ADCY10: variants seen among roughly 807,000 people sequenced by gnomAD.
The protein encoded by ADCY10 is adenylate cyclase type 10.
A neutral mutation model predicts 183.3 loss-of-function variants in ADCY10; 156 were observed. That is an observed-to-expected ratio of 0.85 (90% confidence interval 0.75 to 0.97). ADCY10 has a LOEUF of 0.97. Ranked by LOEUF, ADCY10 falls within the 50% of genes least tolerant of loss-of-function variation. The pLI, the probability that ADCY10 is intolerant of heterozygous loss-of-function variation, is 0.00. For synonymous variants in ADCY10, 645 were observed against 670.0 expected, an observed-to-expected ratio of 0.96 and a Z score of 0.58; for missense variants, 1,745 against 1,934.3, an observed-to-expected ratio of 0.90 and a Z score of 1.84.
chr1:167,885,114 C>T (rs914576238), intron 8 of ADCY10, among the ~76,000 whole-genome samples: 4 of 139,522 alleles, frequency 2.9e-5, no homozygotes, highest in African/African-American at 1.1e-4. Context: ...TTGCAAATGA[C>T]AGATCTCATT....
At chr1:167,892,801 A>G (rs1668688731) in intron 8 of ADCY10, among the ~76,000 whole-genome samples, 1 of 152,222 alleles carries the variant, frequency 6.6e-6, no homozygotes, top group Non-Finnish European at 1.5e-5. Context: ...TGATGGGACT[A>G]AGTATTAAAG....
intron 1 of ADCY10, among the ~76,000 whole-genome samples, chr1:167,909,330 T>A (rs1017804495): frequency 6.6e-5 from 10 of 152,136 alleles, no homozygotes; most frequent in Non-Finnish European, 1.5e-4. Context: ...TGAATAATGG[T>A]GCTAAGAACA....
chr1:167,879,295 G>C (rs1667711891), intron 11 of ADCY10, among the ~76,000 whole-genome samples: 1 of 152,160 alleles, frequency 6.6e-6, no homozygotes, highest in African/African-American at 2.4e-5. Flanking sequence ...AGATTAATTA[G>C]TTAATACACG....
At chr1:167,820,401 AG>A in intron 30 of ADCY10, 2 of 536,388 alleles carry the variant, frequency 3.7e-6, no homozygotes, top group African/African-American at 4.0e-5. Flanking sequence ...GCACCCCGAG[AG>A]CTGGCCGACT....
intron 1 of ADCY10, among the ~76,000 whole-genome samples, chr1:167,905,952 AC>A (rs2102454989): frequency 6.6e-6 from 1 of 152,254 alleles, no homozygotes; most frequent in Admixed American, 6.5e-5. Context: ...AAAAGCAAAC[AC>A]CCTTTACTTT....
chr1:167,848,742 C>T (rs1665255990), intron 18 of ADCY10, among the ~76,000 whole-genome samples: 1 of 151,966 alleles, frequency 6.6e-6, no homozygotes, highest in East Asian at 1.9e-4. Flanking sequence ...CCTCCGCCTC[C>T]CAGGTTCAAG....
Position 167,880,069 on chromosome 1 carries a change from G to T in ADCY10, c.1216+46C>A, listed in dbSNP as rs777878017. 4.6e-6 allele frequency: 7 copies of T among 1,524,738 alleles called. No homozygotes were observed. In the South Asian group the frequency reaches 8.2e-5, roughly 18 times the overall value. 94.5% of individuals were successfully genotyped at this position (1,524,738 alleles called of 1,614,324 possible). A position where few individuals can be genotyped will look rare whatever the true frequency, so the allele number is the denominator to read the frequency against. Reference sequence around the variant, plus strand: ...CTCCCGCAAAGCCCAGTGGCAAGGTGCTGTGTTTGCAGAAAGAAAGCTGGA... The same window carrying T: ...CTCCCGCAAAGCCCAGTGGCAAGGTTCTGTGTTTGCAGAAAGAAAGCTGGA... On this transcript the variant is annotated intron_variant, in intron 11 of 32. Coordinates refer to ENST00000367851, the MANE Select transcript of ADCY10 (RefSeq NM_018417.6).
intron 30 of ADCY10, chr1:167,818,531 G>C (rs1171587977): frequency 1.9e-6 from 1 of 523,250 alleles, no homozygotes; most frequent in Non-Finnish European, 3.6e-6. Context: ...TGAACTCTTT[G>C]GCTTTGGCTT....
chr1:167,881,627 AC>A (rs1667874977), intron 9 of ADCY10, among the ~76,000 whole-genome samples: 1 of 152,230 alleles, frequency 6.6e-6, no homozygotes, highest in Non-Finnish European at 1.5e-5. Context: ...TTTATTGCAC[AC>A]TGACTCTAAG....
intron 13 of ADCY10, 23 bp from the exon 14 acceptor site, chr1:167,870,433 A>C: frequency 6.3e-7 from 1 of 1,584,628 alleles, no homozygotes. Context: ...GTTTTAAAAA[A>C]GAGCAAACTC....
At chr1:167,833,264 A>G (rs1476680001) in intron 24 of ADCY10, 102 bp from the exon 25 acceptor site, 9 of 1,174,010 alleles carry the variant, frequency 7.7e-6, no homozygotes, top group Non-Finnish European at 1.0e-5. Context: ...TTATCAAAAA[A>G]GGTAATTTAT....
intron 7 of ADCY10, among the ~76,000 whole-genome samples, chr1:167,895,220 G>T (rs1668882330): frequency 6.6e-6 from 1 of 151,900 alleles, no homozygotes; most frequent in East Asian, 1.9e-4. Context: ...CAGTATTATG[G>T]TGCTCAAAGT....
At position 167,824,588 on chromosome 1, in the gene ADCY10, T is replaced by C; in HGVS notation, c.3956-16A>G. On this transcript the variant is annotated splice_polypyrimidine_tract_variant and intron_variant, in intron 27 of 32. Transcript: ENST00000367851. The stretch of plus-strand genomic sequence containing the variant: ...GCTCGGGAGCCTGGGAAGAAAACAA[T>C]TCCAGTATATTGTGGGGCATTCCTT... 6.2e-7 allele frequency: 1 copy of C among 1,614,120 alleles called. No homozygotes were observed. Among genetic ancestry groups the C allele is most frequent in the Non-Finnish European group, 8.5e-7 (1 of 1,180,006 alleles).
intron 18 of ADCY10, among the ~76,000 whole-genome samples, 165 bp from the exon 19 acceptor site, chr1:167,848,654 G>T (rs1665243784): frequency 6.6e-6 from 1 of 151,620 alleles, no homozygotes; most frequent in Non-Finnish European, 1.5e-5. Context: ...GTTTTGTTTT[G>T]TTTTTTGTTT....
chr1:167,836,458 G>T lies in ADCY10; in HGVS notation c.3160C>A (p.Pro1054Thr). 1 of 1,614,066 alleles carries T rather than the reference G, an allele frequency of 6.2e-7. No individual in the cohort carries two copies. The highest frequency in any genetic ancestry group is 8.5e-7 in the Non-Finnish European group (1 of 1,179,950). ...KMKTSDEDII[P>T]LESCQCEEIL... ...TCTTCACACTGGCAAGATTCCAGAG[G>T]GATAATGTCTTCGTCAGATGTCTTC... The change falls in exon 23 of 33, where the codon CCT becomes ACT. Residue 1054 changes from proline (P) to threonine (T), a missense_variant. Coordinates refer to ENST00000367851, the MANE Select transcript of ADCY10 (RefSeq NM_018417.6).
intron 32 of ADCY10, 134 bp from the exon 33 acceptor site, chr1:167,809,973 C>T: frequency 2.4e-6 from 2 of 827,864 alleles, no homozygotes; most frequent in Non-Finnish European, 2.0e-6. Flanking sequence ...ACGAATCTTG[C>T]TGTCCAAACT....
At chr1:167,839,115 T>C (rs1406117315) in intron 21 of ADCY10, among the ~76,000 whole-genome samples, 1 of 152,236 alleles carries the variant, frequency 6.6e-6, no homozygotes, top group African/African-American at 2.4e-5. Context: ...TCAATCTCTT[T>C]CTGTAGAGAA....
rs761128646 is a variant in ADCY10, at chr1:167,861,047, A to C, written c.1633T>G (p.Leu545Val). 6.2e-6 allele frequency: 10 copies of C among 1,614,106 alleles called. No individual in the cohort carries two copies. In the East Asian group the frequency reaches 2.0e-4, roughly 32 times the overall value. The change falls in exon 15 of 33, where the codon TTG becomes GTG. Residue 545 changes from leucine (L) to valine (V), a missense_variant. Coordinates refer to ENST00000367851, the MANE Select transcript of ADCY10 (RefSeq NM_018417.6). ...GTTTGATGGAAGCTGATCTTATTCA[A>C]TGAAATGGCAATAATCCTGTTTGTG... ...GKNHRIIAIS[L>V]NKISFHQTFY...
chr1:167,860,416 G>T lies in ADCY10; in HGVS notation c.1809+455C>A, dbSNP rs527247669. On this transcript the variant is annotated intron_variant, in intron 15 of 32. Coordinates refer to ENST00000367851, the MANE Select transcript of ADCY10 (RefSeq NM_018417.6). ...CTTAGGTGGTAATGTGAGCAATGGG[G>T]AGTGGCTATAAATAGAGATGAAGCT... Among the ~76,000 whole-genome samples the T allele has an allele frequency of 4.7e-4, 71 of 152,324 alleles. 1 individual carries two copies. In the South Asian group the frequency reaches 0.014, roughly 30 times the overall value.
Sources: gnomAD v4.1 joint callset for allele counts (sites outside exome capture counted in the v4.1 genomes callset) on GRCh38, gnomAD v4.1.1 for gene constraint, MANE v1.5 for transcripts, NCBI Gene and HGNC (gene_info 2026-07-23, HGNC 2026-07-21) for gene names.